PRKCI: variants seen among roughly 807,000 people sequenced by gnomAD.
PRKCI encodes the protein protein kinase C iota type.
In PRKCI, 43 loss-of-function variants were observed where a neutral mutation model predicts 84.0. That is an observed-to-expected ratio of 0.51 (90% CI 0.40 to 0.66). PRKCI has a LOEUF of 0.66. PRKCI is among the 30% of genes least tolerant of loss of function. The pLI is 0.00. For synonymous variants in PRKCI, 216 were observed against 234.4 expected (o/e 0.92, Z 0.72); for missense variants, 459 against 745.6 (o/e 0.62, Z 4.48).
intron 12 of PRKCI, among the ~76,000 whole-genome samples, chr3:170,289,619 C>T (rs562310797): frequency 6.6e-6 from 1 of 152,010 alleles, no homozygotes. Context: ...ACTAAAAATA[C>T]AAAAAGCCAG....
At chr3:170,263,750 T>A (rs1577357490) in intron 4 of PRKCI, among the ~76,000 whole-genome samples, 1 of 151,934 alleles carries the variant, frequency 6.6e-6, no homozygotes, top group African/African-American at 2.4e-5. Context: ...TGAGCCAAGG[T>A]CGCACTACTT....
At chr3:170,251,301 A>G (rs373774959) in intron 2 of PRKCI, among the ~76,000 whole-genome samples, 99 of 152,320 alleles carry the variant, frequency 6.5e-4, no homozygotes, top group African/African-American at 2.3e-3. Context: ...ATCAGGAAAA[A>G]TAAATGCTCA....
At chr3:170,300,346 C>T (rs972405836) in intron 17 of PRKCI, among the ~76,000 whole-genome samples, 3 of 152,172 alleles carry the variant, frequency 2.0e-5, no homozygotes, top group African/African-American at 7.2e-5. Context: ...TTCTTATTCC[C>T]TACTCTTGGA....
chr3:170,295,760 G>C, intron 14 of PRKCI, 151 bp from the exon 15 acceptor site: 1 of 379,118 alleles, frequency 2.6e-6, no homozygotes, highest in Non-Finnish European at 4.8e-6. Context: ...TGGAAGGATT[G>C]CTTAAGCCCG....
chr3:170,285,767 CAG>C lies in PRKCI; in HGVS notation c.1203+1174_1203+1175del, dbSNP rs539345091. 2.8e-3 allele frequency among the ~76,000 whole-genome samples: 426 copies of C among 150,222 alleles called. 3 individuals carry two copies. Among genetic ancestry groups the C allele is most frequent in the African/African-American group, 9.9e-3 (403 of 40,820 alleles). On this transcript the variant is annotated intron_variant, in intron 12 of 17. Transcript: ENST00000295797. ...TATTGTTGTTTTTTTTTTTTGGAGA[CAG>C]AGTCTCGCTCTGTCGTCCAGGCTGG...
intron 2 of PRKCI, among the ~76,000 whole-genome samples, chr3:170,256,187 T>A (rs1733579883): frequency 1.3e-5 from 2 of 152,200 alleles, no homozygotes; most frequent in South Asian, 4.1e-4. Context: ...CTGATGAGTA[T>A]TACTGGGTCT....
chr3:170,270,576 C>G lies in PRKCI; in HGVS notation c.591+15C>G. 2.2e-6 allele frequency: 3 copies of G among 1,364,746 alleles called. No individual in the cohort carries two copies. The highest frequency in any genetic ancestry group is 2.9e-6 in the Non-Finnish European group (3 of 1,052,610). 84.5% of individuals were successfully genotyped at this position (1,364,746 alleles called of 1,614,324 possible). On this transcript the variant is annotated intron_variant, in intron 6 of 17. Transcript: ENST00000295797. ...CTTTGCCACAGGTAAGATGTCTGTC[C>G]TTTTTTTTTTTTTTTTTTTTAAGAG...
intron 12 of PRKCI, among the ~76,000 whole-genome samples, chr3:170,289,639 A>C (rs1180199231): frequency 2.6e-5 from 4 of 152,096 alleles, no homozygotes; most frequent in Admixed American, 1.3e-4. Flanking sequence ...GAGGCTCGGC[A>C]CAGTGGCTCA....
At chr3:170,237,784 G>GA (rs371877978) in intron 2 of PRKCI, among the ~76,000 whole-genome samples, 13 of 151,946 alleles carry the variant, frequency 8.6e-5, no homozygotes, top group Admixed American at 8.5e-4. Context: ...CACTGTTCAG[G>GA]AAAAAAAGTA....
At chr3:170,260,905 A>G (rs374705207) in intron 3 of PRKCI, among the ~76,000 whole-genome samples, 1 of 152,244 alleles carries the variant, frequency 6.6e-6, no homozygotes, top group South Asian at 2.1e-4. Context: ...CTGATTCCAA[A>G]TTTGTGTTTC....
chr3:170,260,190 C>T, intron 3 of PRKCI, 132 bp downstream of exon 3: 10 of 565,002 alleles, frequency 1.8e-5, no homozygotes, highest in Non-Finnish European at 2.7e-5. Context: ...AAGTAATTGT[C>T]GTTATTTAGT....
intron 1 of PRKCI, among the ~76,000 whole-genome samples, chr3:170,233,910 G>A (rs901818617): frequency 2.7e-4 from 41 of 151,908 alleles, no homozygotes; most frequent in African/African-American, 8.5e-4. Context: ...TAGTAGAGAC[G>A]GAGTTTCACT....
chr3:170,281,421 A>T (rs113847818), intron 10 of PRKCI, 158 bp downstream of exon 10: 3 of 605,988 alleles, frequency 5.0e-6, no homozygotes, highest in Non-Finnish European at 8.7e-6. Flanking sequence ...CATCAGTGAT[A>T]TCAGTTTGAT....
chr3:170,286,340 A>AT (rs940520974), intron 12 of PRKCI, among the ~76,000 whole-genome samples: 26 of 151,716 alleles, frequency 1.7e-4, no homozygotes, highest in African/African-American at 6.1e-4. Context: ...TCTCTGTGTC[A>AT]TTTTTTTTCC....
At chr3:170,296,489 A>G (rs576745609) in intron 15 of PRKCI, among the ~76,000 whole-genome samples, 1 of 152,278 alleles carries the variant, frequency 6.6e-6, no homozygotes, top group African/African-American at 2.4e-5. Flanking sequence ...ACATCATTCA[A>G]TTGTTTGTTG....
In PRKCI at chr3:170,222,707, C is replaced by G; in HGVS notation, c.38C>G (p.Thr13Arg). The change falls in exon 1 of 18, where the codon ACG becomes AGG. Residue 13 changes from threonine (T) to arginine (R), a missense_variant. Coordinates refer to ENST00000295797, the MANE Select transcript of PRKCI (RefSeq NM_002740.6). ...AGGGACAGCAGCACCATGTCCCACA[C>G]GGTCGCAGGCGGCGGCAGCGGGGAC... ...TQRDSSTMSH[T>R]VAGGGSGDHS... The G allele has an allele frequency of 2.5e-6, 4 of 1,608,654 alleles. No individual in the cohort carries two copies. The highest frequency in any genetic ancestry group is 3.4e-6 in the Non-Finnish European group (4 of 1,178,146).
At chr3:170,235,566 CTT>C (rs199938459) in intron 2 of PRKCI, among the ~76,000 whole-genome samples, 41 of 136,200 alleles carry the variant, frequency 3.0e-4, no homozygotes, top group African/African-American at 6.1e-4. Context: ...ATTAACTTGA[CTT>C]TTTTTTTTTT....
chr3:170,222,710 T>C lies in PRKCI; in HGVS notation c.41T>C (p.Val14Ala). The C allele has an allele frequency of 6.2e-7, 1 of 1,609,360 alleles. No individual in the cohort carries two copies. Among genetic ancestry groups the C allele is most frequent in the Non-Finnish European group, 8.5e-7 (1 of 1,178,664 alleles). The change falls in exon 1 of 18, where the codon GTC becomes GCC. Residue 14 changes from valine to alanine, a missense_variant. Coordinates refer to ENST00000295797, the MANE Select transcript of PRKCI (RefSeq NM_002740.6). Reference sequence around the variant, plus strand: ...GACAGCAGCACCATGTCCCACACGGTCGCAGGCGGCGGCAGCGGGGACCAT... The same window carrying C: ...GACAGCAGCACCATGTCCCACACGGCCGCAGGCGGCGGCAGCGGGGACCAT... ...QRDSSTMSHT[V>A]AGGGSGDHSH... is the part of the protein sequence containing the mutation.
At chr3:170,291,799 A>G (rs1734560074) in intron 12 of PRKCI, 55 bp from the exon 13 acceptor site, 1 of 1,392,820 alleles carries the variant, frequency 7.2e-7, no homozygotes, top group South Asian at 1.2e-5. Flanking sequence ...AGAAAGGGTG[A>G]ATTTAAAACA....
Sources: allele counts gnomAD v4.1 joint callset (sites outside exome capture counted in the v4.1 genomes callset), GRCh38; gene constraint gnomAD v4.1.1; transcripts MANE v1.5; gene names NCBI Gene and HGNC (gene_info 2026-07-23, HGNC 2026-07-21).